DAPK1: variants seen among roughly 807,000 people sequenced by gnomAD.
The protein encoded by DAPK1 is death associated protein kinase 1.
Under a neutral mutation model 144.9 loss-of-function variants are expected in DAPK1, and 56 were observed. The observed-to-expected ratio is 0.39, with a 90% CI of 0.31 to 0.48. The LOEUF is 0.48. DAPK1 is among the 20% of genes least tolerant of loss of function. DAPK1 has a pLI of 0.95. For missense variants in DAPK1, 1,454 were observed against 1,875.4 expected (o/e 0.78, Z 4.15); for synonymous variants, 690 against 749.0 (o/e 0.92, Z 1.29).
chr9:87,553,496 C>CTTTTTTTT (rs869260287), intron 2 of DAPK1: 1 of 80,470 alleles, frequency 1.2e-5, no homozygotes, highest in African/African-American at 3.7e-5. Context: ...CTTTTCTTTT[C>CTTTTTTTT]TTTTTTTTTT....
chr9:87,605,952 A>G (rs1828700411), intron 3 of DAPK1, among the ~76,000 whole-genome samples: 1 of 152,132 alleles, frequency 6.6e-6, no homozygotes, highest in Non-Finnish European at 1.5e-5. Context: ...TTTGGGATGG[A>G]GGCGAGATGT....
At chr9:87,499,347 T>G (rs929911587) in intron 2 of DAPK1, 5 of 577,472 alleles carry the variant, frequency 8.7e-6, no homozygotes, top group Non-Finnish European at 1.6e-5. Flanking sequence ...AGTTCAGGGC[T>G]AGATTATGAT....
intron 2 of DAPK1, among the ~76,000 whole-genome samples, chr9:87,564,128 C>G (rs972349569): frequency 1.3e-5 from 2 of 152,328 alleles, no homozygotes; most frequent in African/African-American, 4.8e-5. Flanking sequence ...ACTTTACTTT[C>G]TACATTGCAC....
chr9:87,632,430 G>T (rs554288638), intron 3 of DAPK1: 1 of 978,948 alleles, frequency 1.0e-6, no homozygotes, highest in Non-Finnish European at 1.2e-6. Context: ...GAGGATAAGT[G>T]TGTATGTAAG....
chr9:87,587,553 C>T (rs1219209242), intron 2 of DAPK1, among the ~76,000 whole-genome samples: 2 of 152,158 alleles, frequency 1.3e-5, no homozygotes. Context: ...TGAGGTTACC[C>T]ACAAAATTTG....
chr9:87,610,214 A>G (rs1828875693), intron 3 of DAPK1, among the ~76,000 whole-genome samples: 2 of 152,376 alleles, frequency 1.3e-5, no homozygotes, highest in Admixed American at 1.3e-4. Flanking sequence ...ATTGCAGCTC[A>G]GCATAGCATA....
chr9:87,622,337 C>T (rs887970968), intron 3 of DAPK1, among the ~76,000 whole-genome samples: 5 of 152,080 alleles, frequency 3.3e-5, no homozygotes, highest in African/African-American at 1.2e-4. Flanking sequence ...AGACACCCTG[C>T]AGGGTGTGAG....
At chr9:87,544,788 T>TA (rs975479129) in intron 2 of DAPK1, among the ~76,000 whole-genome samples, 48 of 152,136 alleles carry the variant, frequency 3.2e-4, no homozygotes, top group African/African-American at 1.1e-3. Flanking sequence ...AAGACGGACA[T>TA]AAAGCTAATT....
chr9:87,518,785 T>A (rs1251979505), intron 2 of DAPK1, among the ~76,000 whole-genome samples: 3 of 152,180 alleles, frequency 2.0e-5, no homozygotes, highest in Non-Finnish European at 4.4e-5. Flanking sequence ...TGGGTATCCA[T>A]GTTGGTGCCT....
At chr9:87,627,403 C>T (rs569090384) in intron 3 of DAPK1, among the ~76,000 whole-genome samples, 10 of 152,276 alleles carry the variant, frequency 6.6e-5, no homozygotes, top group African/African-American at 1.7e-4. Flanking sequence ...AGTAGGTAGG[C>T]GGTGTTGCTT....
intron 2 of DAPK1, among the ~76,000 whole-genome samples, chr9:87,569,391 C>T (rs930763788): frequency 6.6e-6 from 1 of 152,202 alleles, no homozygotes; most frequent in African/African-American, 2.4e-5. Flanking sequence ...CAAAGCTCTA[C>T]CTCCAGCGAG....
intron 11 of DAPK1, 103 bp from the exon 12 acceptor site, chr9:87,645,792 C>T (rs1830246103): frequency 6.9e-7 from 1 of 1,447,566 alleles, no homozygotes; most frequent in Non-Finnish European, 9.4e-7. Context: ...TTACTTTCCT[C>T]TGAATGCCCC....
intron 2 of DAPK1, among the ~76,000 whole-genome samples, chr9:87,589,055 A>ATTTTTT (rs35875159): frequency 1.3e-4 from 13 of 101,170 alleles, no homozygotes; most frequent in African/African-American, 5.2e-4. Context: ...CGCCCGGCTA[A>ATTTTTT]TTTTTTTTTT....
chr9:87,684,058 G>A lies in DAPK1; in HGVS notation c.2224+2432G>A, dbSNP rs537060296. ...ACAAGATGCCCCCATCCCTGGACTG[G>A]GCGGGTCACCAGGCACTTGCTGCCC... On this transcript the variant is annotated intron_variant, in intron 20 of 25. Transcript: ENST00000408954. 2.0e-5 allele frequency among the ~76,000 whole-genome samples: 3 copies of A among 152,342 alleles called. No individual in the cohort carries two copies. In the South Asian group the frequency reaches 6.2e-4, roughly 32 times the overall value.
At chr9:87,605,199 G>A (rs145223348) in intron 3 of DAPK1, 24 bp downstream of exon 3, 2 of 1,594,664 alleles carry the variant, frequency 1.3e-6, no homozygotes, top group East Asian at 4.5e-5. Context: ...GGGCCAGGCT[G>A]GGGAGAGGGT....
chr9:87,690,397 A>T (rs1825013068), intron 21 of DAPK1, among the ~76,000 whole-genome samples: 1 of 151,998 alleles, frequency 6.6e-6, no homozygotes, highest in South Asian at 2.1e-4. Flanking sequence ...TATTTCTCAG[A>T]TCTAAGAGTT....
intron 3 of DAPK1, among the ~76,000 whole-genome samples, chr9:87,634,885 C>T (rs1273463608): frequency 6.6e-6 from 1 of 152,086 alleles, no homozygotes; most frequent in Non-Finnish European, 1.5e-5. Context: ...TGCTGCACAC[C>T]CCTGCTGCCA....
At chr9:87,536,341 G>C (rs1257128373) in intron 2 of DAPK1, among the ~76,000 whole-genome samples, 1 of 152,158 alleles carries the variant, frequency 6.6e-6, no homozygotes. Flanking sequence ...GCAAGTGAAG[G>C]TGTTTTTAAG....
At chr9:87,568,164 C>T (rs992189229) in intron 2 of DAPK1, among the ~76,000 whole-genome samples, 1 of 152,236 alleles carries the variant, frequency 6.6e-6, no homozygotes, top group African/African-American at 2.4e-5. Flanking sequence ...GAGCTGCGGG[C>T]CTGTGTCCAG....
Sources: gnomAD v4.1 joint callset for allele counts (sites outside exome capture counted in the v4.1 genomes callset) on GRCh38, gnomAD v4.1.1 for gene constraint, MANE v1.5 for transcripts, NCBI Gene and HGNC (gene_info 2026-07-23, HGNC 2026-07-21) for gene names.